The following LDB2 variants were observed in gnomAD, a reference collection of about 807,000 sequenced individuals.
The protein encoded by LDB2 is LIM domain-binding protein 2.
A neutral mutation model predicts 44.3 loss-of-function variants in LDB2; 12 were observed. That is an observed-to-expected ratio of 0.27 (90% CI 0.17 to 0.44). The LOEUF (loss-of-function observed/expected upper bound fraction) is 0.44, where lower values mean the gene tolerates loss of function less well. Ranked by LOEUF, LDB2 falls within the 20% of genes least tolerant of loss-of-function variation. LDB2 has a pLI of 1.00. For missense variants in LDB2, 344 were observed against 473.5 expected (o/e 0.73, Z 2.54); for synonymous variants, 164 against 174.8 (o/e 0.94, Z 0.49).
intron 1 of LDB2, among the ~76,000 whole-genome samples, chr4:16,858,673 G>T (rs1789881518): frequency 6.6e-6 from 1 of 152,216 alleles, no homozygotes; most frequent in Non-Finnish European, 1.5e-5. Context: ...ACAGGAAAAA[G>T]GTGGGGGTAT....
intron 1 of LDB2, among the ~76,000 whole-genome samples, chr4:16,890,291 T>C (rs1722985881): frequency 6.6e-6 from 1 of 152,204 alleles, no homozygotes; most frequent in Non-Finnish European, 1.5e-5. Flanking sequence ...TCACAGGATC[T>C]GATTTATGCT....
intron 5 of LDB2, among the ~76,000 whole-genome samples, chr4:16,574,634 G>T (rs1226879241): frequency 1.3e-5 from 2 of 152,080 alleles, no homozygotes; most frequent in African/African-American, 4.8e-5. Flanking sequence ...AGAGAACTGG[G>T]GTGCTGAGAA....
intron 5 of LDB2, among the ~76,000 whole-genome samples, chr4:16,543,047 G>A (rs1241800290): frequency 6.6e-6 from 1 of 151,624 alleles, no homozygotes; most frequent in East Asian, 1.9e-4. Flanking sequence ...CCTTGTGATA[G>A]TTTGCTCAGA....
chr4:16,695,158 C>T (rs1168626518), intron 2 of LDB2, among the ~76,000 whole-genome samples: 1 of 152,214 alleles, frequency 6.6e-6, no homozygotes, highest in Non-Finnish European at 1.5e-5. Flanking sequence ...ATGCAAATTT[C>T]TGAATATGTT....
intron 2 of LDB2, among the ~76,000 whole-genome samples, chr4:16,672,446 C>G (rs926173011): frequency 2.0e-5 from 3 of 152,204 alleles, no homozygotes; most frequent in African/African-American, 7.2e-5. Flanking sequence ...GTTCAGGAAA[C>G]CAAGCCCTAG....
chr4:16,697,673 A>G (rs1407376549), intron 2 of LDB2, among the ~76,000 whole-genome samples: 1 of 151,854 alleles, frequency 6.6e-6, no homozygotes, highest in Non-Finnish European at 1.5e-5. Flanking sequence ...TCTAATCCAG[A>G]TGGTGTTGCA....
At chr4:16,530,221 C>T (rs1359199867) in intron 5 of LDB2, among the ~76,000 whole-genome samples, 6 of 152,248 alleles carry the variant, frequency 3.9e-5, no homozygotes, top group Non-Finnish European at 7.3e-5. Flanking sequence ...TGACCTCGCA[C>T]TGCTGCCTTG....
intron 1 of LDB2, among the ~76,000 whole-genome samples, chr4:16,859,536 A>G (rs1244661669): frequency 6.6e-6 from 1 of 152,212 alleles, no homozygotes; most frequent in East Asian, 1.9e-4. Flanking sequence ...CAGCATCTTG[A>G]GACCTGCTCT....
chr4:16,792,150 A>C (rs796695782), intron 1 of LDB2, among the ~76,000 whole-genome samples: 1 of 152,364 alleles, frequency 6.6e-6, no homozygotes, highest in African/African-American at 2.4e-5. Flanking sequence ...TGAGATCATT[A>C]GTGTTAACCT....
intron 4 of LDB2, 43 bp downstream of exon 4, chr4:16,588,667 G>T: frequency 6.3e-7 from 1 of 1,596,882 alleles, no homozygotes; most frequent in East Asian, 2.2e-5. Context: ...AATGAAGGAG[G>T]AAAAAAAAGA....
chr4:16,640,372 C>T (rs1321156161), intron 2 of LDB2, among the ~76,000 whole-genome samples: 1 of 152,102 alleles, frequency 6.6e-6, no homozygotes, highest in Non-Finnish European at 1.5e-5. Context: ...GATTATAGAT[C>T]GTTAACTGAA....
Position 16,739,681 on chromosome 4 carries a change from TATATATGTATATATAC to T in LDB2, c.235+19461_235+19476del, listed in dbSNP as rs1762754518. ...ATATATGTATATATACATATGTGTGTATATATGTATATATACATATATGTGTATATATGTATATATA... is the reference window on the plus strand; with the variant it reads ...ATATATGTATATATACATATGTGTGTATATATGTGTATATATGTATATATA... On this transcript the variant is annotated intron_variant, in intron 2 of 7. Transcript: ENST00000304523. Among the ~76,000 whole-genome samples the T allele has an allele frequency of 2.3e-5, 2 of 86,860 alleles. 1 individual carries two copies. The highest frequency in any genetic ancestry group is 6.5e-4 in the South Asian group (2 of 3,068). The allele number at this position is 86,860 out of a possible 152,430, so 57.0% of individuals were successfully genotyped here.
At chr4:16,847,178 A>G (rs1247094698) in intron 1 of LDB2, among the ~76,000 whole-genome samples, 1 of 152,240 alleles carries the variant, frequency 6.6e-6, no homozygotes, top group Admixed American at 6.5e-5. Flanking sequence ...TAACATGTAG[A>G]AAAATATTTA....
intron 5 of LDB2, among the ~76,000 whole-genome samples, chr4:16,528,770 C>T (rs1729113744): frequency 6.6e-6 from 1 of 152,250 alleles, no homozygotes; most frequent in East Asian, 1.9e-4. Flanking sequence ...GGTTTGTGAG[C>T]CAATCGTAAG....
chr4:16,871,109 T>A (rs1297559801), intron 1 of LDB2, among the ~76,000 whole-genome samples: 1 of 152,212 alleles, frequency 6.6e-6, no homozygotes, highest in Non-Finnish European at 1.5e-5. Context: ...AAACAAATCA[T>A]ACTGAAAGCA....
At chr4:16,821,295 T>C (rs189987) in intron 1 of LDB2, among the ~76,000 whole-genome samples, 140,526 of 152,190 alleles carry the variant, frequency 0.92, 65,170 homozygotes, top group Middle Eastern at 0.98. Flanking sequence ...ATCAAGAGTG[T>C]TATTTTTATT....
At chr4:16,850,309 T>G (rs1787938490) in intron 1 of LDB2, among the ~76,000 whole-genome samples, 1 of 152,152 alleles carries the variant, frequency 6.6e-6, no homozygotes, top group African/African-American at 2.4e-5. Flanking sequence ...CCACCACCTA[T>G]TAGCTGAACC....
intron 1 of LDB2, among the ~76,000 whole-genome samples, chr4:16,884,333 G>A (rs889043628): frequency 3.3e-5 from 5 of 152,060 alleles, no homozygotes; most frequent in Non-Finnish European, 7.4e-5. Context: ...ACCAAGGCAC[G>A]GAGAAGTTAA....
chr4:16,785,717 T>G (rs1303490130), intron 1 of LDB2, among the ~76,000 whole-genome samples: 1 of 152,144 alleles, frequency 6.6e-6, no homozygotes. Flanking sequence ...CTCCTAAGTC[T>G]GCCTGCTCCC....
Sources: gnomAD v4.1 joint callset for allele counts (sites outside exome capture counted in the v4.1 genomes callset) on GRCh38, gnomAD v4.1.1 for gene constraint, MANE v1.5 for transcripts, NCBI Gene and HGNC (gene_info 2026-07-23, HGNC 2026-07-21) for gene names.